The following NRP2 variants were observed in gnomAD, a reference collection of about 807,000 sequenced individuals.
The protein encoded by NRP2 is neuropilin 2.
Under a neutral mutation model 110.4 loss-of-function variants are expected in NRP2, and 52 were observed. That is an observed-to-expected ratio of 0.47 (90% CI 0.38 to 0.59). NRP2 has a LOEUF of 0.59. Ranked by LOEUF, NRP2 falls within the 20% of genes least tolerant of loss-of-function variation. The pLI is 0.00. For synonymous variants in NRP2, 508 were observed against 468.9 expected (o/e 1.08, Z -1.08); for missense variants, 1,049 against 1,203.0 (o/e 0.87, Z 1.89).
intron 1 of NRP2, among the ~76,000 whole-genome samples, chr2:205,690,071 C>T (rs1054817266): frequency 9.8e-5 from 15 of 152,296 alleles, no homozygotes; most frequent in African/African-American, 2.6e-4. Flanking sequence ...ACCCTGCTCC[C>T]GCCTCCACAA....
At chr2:205,776,990 G>T in intron 15 of NRP2, 1 of 1,056,420 alleles carries the variant, frequency 9.5e-7, no homozygotes, top group Non-Finnish European at 1.1e-6. Flanking sequence ...GTGTGTGAGA[G>T]AGCGGCTGGT....
At chr2:205,688,370 C>T (rs2056224647) in intron 1 of NRP2, among the ~76,000 whole-genome samples, 3 of 152,104 alleles carry the variant, frequency 2.0e-5, no homozygotes, top group Admixed American at 2.0e-4. Context: ...TGGCTGTTTG[C>T]TGATTTTTGT....
chr2:205,724,993 C>T (rs2057100846), intron 5 of NRP2, among the ~76,000 whole-genome samples: 3 of 152,106 alleles, frequency 2.0e-5, no homozygotes, highest in Non-Finnish European at 2.9e-5. Flanking sequence ...ACTGAAGAAG[C>T]ACTTTTAAGA....
intron 7 of NRP2, among the ~76,000 whole-genome samples, chr2:205,736,733 A>G (rs1024824111): frequency 5.9e-5 from 9 of 152,224 alleles, no homozygotes. Flanking sequence ...TGATTTGCCT[A>G]TAATGATTCA....
At chr2:205,787,877 C>G (rs902963264) in intron 15 of NRP2, among the ~76,000 whole-genome samples, 4 of 151,966 alleles carry the variant, frequency 2.6e-5, no homozygotes, top group African/African-American at 9.7e-5. Context: ...GGGGGTGTTT[C>G]CCCTGAGCAG....
chr2:205,758,861 AC>A (rs2057776291), intron 12 of NRP2, among the ~76,000 whole-genome samples: 1 of 152,118 alleles, frequency 6.6e-6, no homozygotes, highest in Non-Finnish European at 1.5e-5. Flanking sequence ...CGTTCAGGCG[AC>A]CTCTTGACAA....
intron 2 of NRP2, among the ~76,000 whole-genome samples, chr2:205,713,297 TA>T (rs903251334): frequency 6.6e-6 from 1 of 151,746 alleles, no homozygotes; most frequent in Admixed American, 6.6e-5. Context: ...GGTGAAGCTT[TA>T]AAAAAAAAGT....
intron 12 of NRP2, among the ~76,000 whole-genome samples, chr2:205,754,607 A>T (rs1175011902): frequency 6.6e-6 from 1 of 152,222 alleles, no homozygotes; most frequent in Non-Finnish European, 1.5e-5. Flanking sequence ...ACGTTGGGAA[A>T]AAATACTTAT....
At chr2:205,783,117 C>G (rs867213853) in intron 15 of NRP2, among the ~76,000 whole-genome samples, 9 of 152,196 alleles carry the variant, frequency 5.9e-5, no homozygotes, top group Non-Finnish European at 2.9e-5. Flanking sequence ...GCCTATCTCT[C>G]TTTCTCTACA....
chr2:205,762,288 T>C (rs1463285143), intron 12 of NRP2: 1 of 152,198 alleles, frequency 6.6e-6, no homozygotes, highest in Middle Eastern at 3.2e-3. Context: ...AGGAAGGAGC[T>C]TAGGGGAGCA....
chr2:205,755,821 G>A (rs1258355620), intron 12 of NRP2, among the ~76,000 whole-genome samples: 1 of 152,110 alleles, frequency 6.6e-6, no homozygotes, highest in Non-Finnish European at 1.5e-5. Context: ...CCCCTGATGA[G>A]ATAGGCAAAC....
intron 3 of NRP2, among the ~76,000 whole-genome samples, chr2:205,717,177 A>C (rs560543582): frequency 8.0e-5 from 12 of 149,740 alleles, no homozygotes; most frequent in Admixed American, 1.3e-4. Context: ...TGATGTGTGG[A>C]GCTTGTTATC....
intron 2 of NRP2, among the ~76,000 whole-genome samples, chr2:205,710,190 T>A (rs538482925): frequency 6.6e-6 from 1 of 152,332 alleles, no homozygotes; most frequent in African/African-American, 2.4e-5. Flanking sequence ...GGCAATCCGG[T>A]ATTTTCATTG....
chr2:205,770,873 C>A (rs1245986467), intron 15 of NRP2, among the ~76,000 whole-genome samples: 1 of 152,104 alleles, frequency 6.6e-6, no homozygotes, highest in African/African-American at 2.4e-5. Flanking sequence ...GGCCATCCTT[C>A]CCCAGGGGAC....
At chr2:205,705,160 T>C (rs1462385265) in intron 2 of NRP2, among the ~76,000 whole-genome samples, 1 of 146,232 alleles carries the variant, frequency 6.8e-6, no homozygotes, top group African/African-American at 2.5e-5. Context: ...ATTCTTATAC[T>C]TCTGCCTGGA....
chr2:205,792,086 A>T, intron 15 of NRP2, 149 bp from the exon 16 acceptor site: 2 of 644,478 alleles, frequency 3.1e-6, no homozygotes, highest in East Asian at 5.6e-5. Flanking sequence ...ACAATCCAGT[A>T]ATGTCCATAA....
chr2:205,723,055 C>G (rs1222773603), intron 4 of NRP2, among the ~76,000 whole-genome samples: 2 of 152,198 alleles, frequency 1.3e-5, no homozygotes, highest in African/African-American at 4.8e-5. Context: ...CCAGACTGGC[C>G]GGGCTTAACT....
intron 7 of NRP2, among the ~76,000 whole-genome samples, chr2:205,732,877 T>C (rs78583827): frequency 0.016 from 2,446 of 151,928 alleles, 65 homozygotes; most frequent in African/African-American, 0.056. Context: ...AAAAACCTTT[T>C]TTTTAAAAAA....
chr2:205,692,351 G>T (rs2056331378), intron 1 of NRP2, among the ~76,000 whole-genome samples: 2 of 152,180 alleles, frequency 1.3e-5, no homozygotes, highest in African/African-American at 4.8e-5. Flanking sequence ...GATTTTATGA[G>T]ACTGTCTTGT....
Sources: gnomAD v4.1 joint callset for allele counts (sites outside exome capture counted in the v4.1 genomes callset) on GRCh38, gnomAD v4.1.1 for gene constraint, MANE v1.5 for transcripts, NCBI Gene and HGNC (gene_info 2026-07-23, HGNC 2026-07-21) for gene names.